Variants in PTPRT observed in about 807,000 individuals in gnomAD.
PTPRT encodes the protein protein tyrosine phosphatase receptor type T.
Under a neutral mutation model 176.8 loss-of-function variants are expected in PTPRT, and 56 were observed. That is an observed-to-expected ratio of 0.32 (90% CI 0.26 to 0.40). The LOEUF (loss-of-function observed/expected upper bound fraction) is 0.40, where lower values mean the gene tolerates loss of function less well. PTPRT is among the 10% of genes least tolerant of loss of function. PTPRT has a pLI of 1.00. For synonymous variants in PTPRT, 783 were observed against 739.0 expected (o/e 1.06, Z -0.96); for missense variants, 1,540 against 1,908.2 (o/e 0.81, Z 3.60).
At chr20:42,473,123 C>T (rs186387402) in intron 7 of PTPRT, among the ~76,000 whole-genome samples, 7 of 152,242 alleles carry the variant, frequency 4.6e-5, no homozygotes, top group Admixed American at 1.3e-4. Context: ...TTTAGGATTT[C>T]CTCTCCTTTC....
At chr20:42,413,975 C>T (rs560699342) in intron 9 of PTPRT, among the ~76,000 whole-genome samples, 7 of 152,104 alleles carry the variant, frequency 4.6e-5, no homozygotes, top group Non-Finnish European at 8.8e-5. Context: ...CTCATCCTCC[C>T]GAGGAGCCAC....
At chr20:42,330,835 G>A (rs1199143070) in intron 11 of PTPRT, among the ~76,000 whole-genome samples, 1 of 152,198 alleles carries the variant, frequency 6.6e-6, no homozygotes, top group Non-Finnish European at 1.5e-5. Flanking sequence ...CTCCTGTGTA[G>A]TCACAGACCA....
In PTPRT at chr20:42,110,328, C is replaced by G. The variant is rs1239329206; in HGVS notation, c.3254+5G>C. ...GCCTCCCAAGGTGAAGGACCTTTGA[C>G]TTACCTGCAGTGGACCACTATGGGC... On this transcript the variant is annotated splice_donor_5th_base_variant and intron_variant, in intron 23 of 30. Transcript: ENST00000373187. 6.2e-7 allele frequency: 1 copy of G among 1,601,260 alleles called. No homozygotes were observed. The highest frequency in any genetic ancestry group is 1.3e-5 in the African/African-American group (1 of 74,608).
intron 1 of PTPRT, among the ~76,000 whole-genome samples, chr20:43,182,535 C>T (rs1301305497): frequency 6.6e-6 from 1 of 152,000 alleles, no homozygotes; most frequent in Non-Finnish European, 1.5e-5. Flanking sequence ...GGATTACAGG[C>T]ACATGCTACC....
chr20:42,381,146 C>T (rs939131421), intron 9 of PTPRT, among the ~76,000 whole-genome samples: 2 of 152,202 alleles, frequency 1.3e-5, no homozygotes, highest in African/African-American at 4.8e-5. Context: ...CCAGGCCCTA[C>T]CTCCCTACCT....
chr20:43,006,486 C>G (rs1453934491), intron 1 of PTPRT, among the ~76,000 whole-genome samples: 1 of 152,134 alleles, frequency 6.6e-6, no homozygotes. Flanking sequence ...TCTGTAGTGT[C>G]TGCTCTGGTC....
At chr20:42,641,793 A>G (rs1453773785) in intron 7 of PTPRT, among the ~76,000 whole-genome samples, 1 of 152,156 alleles carries the variant, frequency 6.6e-6, no homozygotes, top group African/African-American at 2.4e-5. Context: ...GAGGCATGAT[A>G]TGATACCTCC....
chr20:42,082,185 GTGCCATTAACT>G (rs1568907257), intron 29 of PTPRT, among the ~76,000 whole-genome samples, 168 bp from the exon 30 acceptor site: 1 of 152,236 alleles, frequency 6.6e-6, no homozygotes, highest in Non-Finnish European at 1.5e-5. Context: ...AGTCCCATCT[GTGCCATTAACT>G]TGCTTTGACC....
intron 1 of PTPRT, among the ~76,000 whole-genome samples, chr20:42,911,292 G>A (rs1353545127): frequency 6.6e-6 from 1 of 152,096 alleles, no homozygotes; most frequent in Non-Finnish European, 1.5e-5. Context: ...CAAGTAAGAT[G>A]CCAAACATGT....
intron 13 of PTPRT, among the ~76,000 whole-genome samples, chr20:42,260,126 T>A (rs951395258): frequency 1.3e-5 from 2 of 152,124 alleles, no homozygotes; most frequent in African/African-American, 4.8e-5. Context: ...AACACAGAAG[T>A]GTGCACAGGA....
intron 11 of PTPRT, among the ~76,000 whole-genome samples, chr20:42,331,575 G>C (rs985932702): frequency 6.6e-6 from 1 of 152,156 alleles, no homozygotes; most frequent in African/African-American, 2.4e-5. Flanking sequence ...ACAAATGCAA[G>C]AGAAAAATTA....
chr20:42,539,870 G>A (rs1342895238), intron 7 of PTPRT, among the ~76,000 whole-genome samples: 15 of 151,946 alleles, frequency 9.9e-5, no homozygotes, highest in South Asian at 6.2e-4. Flanking sequence ...CAAAACATCC[G>A]AAGATTTGGA....
At chr20:42,395,394 CT>C (rs2058839741) in intron 9 of PTPRT, among the ~76,000 whole-genome samples, 1 of 152,180 alleles carries the variant, frequency 6.6e-6, no homozygotes, top group Non-Finnish European at 1.5e-5. Flanking sequence ...GTGAGACCCC[CT>C]GTGCTCTCAT....
At chr20:42,405,012 TATC>T (rs1344492092) in intron 9 of PTPRT, among the ~76,000 whole-genome samples, 3 of 49,482 alleles carry the variant, frequency 6.1e-5, no homozygotes. Flanking sequence ...ATATATAACA[TATC>T]ATATAGCACC....
chr20:42,499,277 G>A (rs969558711), intron 7 of PTPRT, among the ~76,000 whole-genome samples: 2 of 151,024 alleles, frequency 1.3e-5, no homozygotes, highest in African/African-American at 4.9e-5. Flanking sequence ...CTGTATATGT[G>A]TAAGTTTTGA....
intron 1 of PTPRT, among the ~76,000 whole-genome samples, chr20:42,926,649 G>T (rs556818139): frequency 1.3e-4 from 20 of 152,246 alleles, no homozygotes; most frequent in Admixed American, 4.6e-4. Context: ...AGGGTCCATA[G>T]AGCTAGGTTA....
At chr20:42,396,940 C>T (rs1188775856) in intron 9 of PTPRT, among the ~76,000 whole-genome samples, 2 of 152,346 alleles carry the variant, frequency 1.3e-5, no homozygotes, top group South Asian at 2.1e-4. Context: ...TGTTCAAATG[C>T]CACCTTTAAA....
At chr20:42,312,915 C>T (rs1481829125) in intron 12 of PTPRT, among the ~76,000 whole-genome samples, 1 of 150,556 alleles carries the variant, frequency 6.6e-6, no homozygotes, top group African/African-American at 2.5e-5. Context: ...ACCTGAGCAA[C>T]TCCATCTTAA....
chr20:42,296,255 G>A (rs533430044), intron 12 of PTPRT, among the ~76,000 whole-genome samples: 3 of 152,250 alleles, frequency 2.0e-5, no homozygotes, highest in Admixed American at 2.0e-4. Context: ...AGACCAGCCC[G>A]ACCAACACAG....
Sources: gnomAD v4.1 joint callset for allele counts (sites outside exome capture counted in the v4.1 genomes callset) on GRCh38, gnomAD v4.1.1 for gene constraint, MANE v1.5 for transcripts, NCBI Gene and HGNC (gene_info 2026-07-23, HGNC 2026-07-21) for gene names.